Variants in SKIC2 observed in about 807,000 individuals in gnomAD.
SKIC2 encodes the protein superkiller complex protein 2.
the SKIC2 span, chr6:31,968,710 C>G: frequency 6.2e-7 from 1 of 1,612,710 alleles, no homozygotes; most frequent in Non-Finnish European, 8.5e-7. This position sits in a 1 kb window ranked among gnomAD's most constrained non-coding sequence, Gnocchi z 6.1. Context: ...GGAGCGAATG[C>G]AGATACAGAA....
At chr6:31,963,836 C>G in the SKIC2 span, 5 of 1,466,148 alleles carry the variant, frequency 3.4e-6, no homozygotes, top group African/African-American at 5.5e-5. The surrounding 1 kb of genome is among the most constrained non-coding windows in gnomAD (Gnocchi z 5.3). Context: ...TGAGCACTGC[C>G]CCAGTTAACA....
chr6:31,960,739 A>T, the SKIC2 span: 5 of 1,556,274 alleles, frequency 3.2e-6, no homozygotes, highest in Non-Finnish European at 3.5e-6. Flanking sequence ...ACTTTGAGAA[A>T]GGTAAGGTGG....
the SKIC2 span, chr6:31,966,955 A>G: frequency 1.2e-6 from 2 of 1,613,242 alleles, no homozygotes; most frequent in Admixed American, 1.7e-5. The surrounding 1 kb of genome is among the most constrained non-coding windows in gnomAD (Gnocchi z 5.9). Context: ...AGTGTGACAG[A>G]TTGGGCCTGG....
At chr6:31,961,960 C>T in the SKIC2 span, 19,979 of 1,612,886 alleles carry the variant, frequency 0.012, 195 homozygotes, top group African/African-American at 0.018. Flanking sequence ...GCACTTGGAA[C>T]GGCATGACTC....
the SKIC2 span, chr6:31,968,384 C>T: frequency 5.6e-6 from 9 of 1,613,022 alleles, no homozygotes; most frequent in South Asian, 8.8e-5. The surrounding 1 kb of genome is among the most constrained non-coding windows in gnomAD (Gnocchi z 6.1). Context: ...CTGCGTCTGG[C>T]TCAGGCCCAC....
At chr6:31,964,676 A>G in the SKIC2 span, among the ~76,000 whole-genome samples, 1 of 152,246 alleles carries the variant, frequency 6.6e-6, no homozygotes, top group African/African-American at 2.4e-5. This position sits in a 1 kb window ranked among gnomAD's most constrained non-coding sequence, Gnocchi z 5.0. Context: ...AAGTACTCAC[A>G]AGATACGACT....
At chr6:31,962,349 G>A in the SKIC2 span, 2 of 1,395,030 alleles carry the variant, frequency 1.4e-6, no homozygotes, top group Non-Finnish European at 1.0e-6. The surrounding 1 kb of genome is among the most constrained non-coding windows in gnomAD (Gnocchi z 5.0). Flanking sequence ...TGAGCTTCTG[G>A]GGCATGCTTC....
chr6:31,968,332 G>T, the SKIC2 span: 1 of 1,612,422 alleles, frequency 6.2e-7, no homozygotes, highest in East Asian at 2.2e-5. This position sits in a 1 kb window ranked among gnomAD's most constrained non-coding sequence, Gnocchi z 6.1. Context: ...CTTCAGGAAG[G>T]ATCCTCCCCT....
the SKIC2 span, chr6:31,963,144 A>G: frequency 7.9e-7 from 1 of 1,269,696 alleles, no homozygotes. The surrounding 1 kb of genome is among the most constrained non-coding windows in gnomAD (Gnocchi z 5.3). Flanking sequence ...GTACTCCTTG[A>G]TTCGGGTGGG....
At chr6:31,963,420 A>C in the SKIC2 span, 1 of 1,564,914 alleles carries the variant, frequency 6.4e-7, no homozygotes, top group South Asian at 1.2e-5. This position sits in a 1 kb window ranked among gnomAD's most constrained non-coding sequence, Gnocchi z 5.3. Context: ...CAGGCGGCTG[A>C]AGCGTCGTCA....
At chr6:31,963,148 G>A in the SKIC2 span, 1,558 of 1,231,618 alleles carry the variant, frequency 1.3e-3, 8 homozygotes, top group Non-Finnish European at 9.2e-4. The surrounding 1 kb of genome is among the most constrained non-coding windows in gnomAD (Gnocchi z 5.3). Context: ...TCCTTGATTC[G>A]GGTGGGGGAC....
chr6:31,968,656 A>G, the SKIC2 span: 1 of 1,582,826 alleles, frequency 6.3e-7, no homozygotes, highest in Non-Finnish European at 8.7e-7. The surrounding 1 kb of genome is among the most constrained non-coding windows in gnomAD (Gnocchi z 6.1). Flanking sequence ...CTAAGGGGCA[A>G]GGAGAAGGCT....
the SKIC2 span, chr6:31,967,189 G>A: frequency 6.2e-7 from 1 of 1,607,650 alleles, no homozygotes; most frequent in Non-Finnish European, 8.5e-7. The surrounding 1 kb of genome is among the most constrained non-coding windows in gnomAD (Gnocchi z 4.9). Context: ...GGGAAGAGAA[G>A]ATCGTGTTAC....
the SKIC2 span, chr6:31,967,755 T>C: frequency 6.2e-7 from 1 of 1,612,970 alleles, no homozygotes; most frequent in Non-Finnish European, 8.5e-7. The surrounding 1 kb of genome is among the most constrained non-coding windows in gnomAD (Gnocchi z 4.9). Context: ...ACAACCCTGG[T>C]CTTGTGTGAT....
At chr6:31,968,678 C>G in the SKIC2 span, 1 of 1,608,668 alleles carries the variant, frequency 6.2e-7, no homozygotes, top group Non-Finnish European at 8.5e-7. The surrounding 1 kb of genome is among the most constrained non-coding windows in gnomAD (Gnocchi z 6.1). Context: ...ACGGGTGGCT[C>G]TCTGCAGTAC....
the SKIC2 span, among the ~76,000 whole-genome samples, chr6:31,962,231 T>C: frequency 1.4e-4 from 22 of 152,130 alleles, no homozygotes; most frequent in African/African-American, 5.3e-4. This position sits in a 1 kb window ranked among gnomAD's most constrained non-coding sequence, Gnocchi z 5.0. Flanking sequence ...GGAGAAAGTT[T>C]AGAAGAATGA....
At chr6:31,964,160 AC>A in the SKIC2 span, 2 of 1,610,520 alleles carry the variant, frequency 1.2e-6, no homozygotes, top group Non-Finnish European at 8.5e-7. This position sits in a 1 kb window ranked among gnomAD's most constrained non-coding sequence, Gnocchi z 5.0. Flanking sequence ...GTGCATGCAC[AC>A]ATTTGGCAGA....
At chr6:31,961,120 G>A in the SKIC2 span, 3 of 1,609,348 alleles carry the variant, frequency 1.9e-6, no homozygotes, top group Non-Finnish European at 2.6e-6. Context: ...TGAGTGGGGT[G>A]TAGGAGAAGT....
At chr6:31,961,335 C>G in the SKIC2 span, 10 of 1,587,932 alleles carry the variant, frequency 6.3e-6, 1 homozygote, top group South Asian at 9.2e-5. Flanking sequence ...CAGCCTCTCC[C>G]TGCAGTGCTC....
Sources: gnomAD v4.1 joint callset for allele counts (sites outside exome capture counted in the v4.1 genomes callset) on GRCh38, gnomAD v4.1.1 for gene constraint, Gnocchi (gnomAD v3.1) non-coding constraint, MANE v1.5 for transcripts, NCBI Gene and HGNC (gene_info 2026-07-23, HGNC 2026-07-21) for gene names.